Variants in MSRA observed in about 807,000 individuals in gnomAD.
MSRA encodes the protein mitochondrial peptide methionine sulfoxide reductase.
MSRA carries 54 observed loss-of-function variants against 31.3 expected under a neutral mutation model. The observed-to-expected ratio is 1.73, with a 90% confidence interval of 1.39 to 2.17. The LOEUF (loss-of-function observed/expected upper bound fraction) is 2.17. Among genes scored for constraint, MSRA ranks in the 30% most tolerant of loss-of-function variants. The pLI, the probability that MSRA is intolerant of heterozygous loss-of-function variation, is 0.00. For synonymous variants in MSRA, 169 were observed against 116.5 expected (o/e 1.45, Z -2.90); for missense variants, 507 against 300.9 (o/e 1.69, Z -5.07).
At chr8:10,217,535 A>C (rs1810099596) in intron 2 of MSRA, among the ~76,000 whole-genome samples, 1 of 152,158 alleles carries the variant, frequency 6.6e-6, no homozygotes, top group African/African-American at 2.4e-5. Context: ...TTTACTTTGC[A>C]ATTGTGAAAG....
chr8:10,426,306 C>T (rs1809159980), intron 5 of MSRA, among the ~76,000 whole-genome samples: 1 of 152,204 alleles, frequency 6.6e-6, no homozygotes, highest in Non-Finnish European at 1.5e-5. Context: ...ATGGATTCTA[C>T]AGAAGGAATT....
intron 1 of MSRA, 51 bp from the exon 2 acceptor site, chr8:10,207,782 A>T (rs760793581): frequency 6.6e-7 from 1 of 1,513,690 alleles, no homozygotes; most frequent in Non-Finnish European, 9.0e-7. Flanking sequence ...ATGTGTTAGT[A>T]TGTGTTAGAA....
chr8:10,128,088 T>G (rs1390982717), intron 1 of MSRA, among the ~76,000 whole-genome samples: 1 of 152,086 alleles, frequency 6.6e-6, no homozygotes, highest in African/African-American at 2.4e-5. Context: ...TTAAAAAGTT[T>G]CTGTCTAGGC....
Position 10,428,283 on chromosome 8 carries a change from G to T in MSRA, c.679G>T (p.Val227Leu). The change falls in exon 6 of 6, where the codon GTG (valine) becomes TTG (leucine). Residue 227 changes from valine (V) to leucine (L), a missense_variant. Transcript: ENST00000317173. ...NGYCGLGGTG[V>L]SCPVGIKK is the part of the protein sequence containing the mutation. ...CTACTGCGGCCTTGGGGGCACCGGC[G>T]TGTCCTGCCCAGTGGGTATTAAAAA... 6.2e-7 allele frequency: 1 copy of T among 1,613,928 alleles called. No individual in the cohort carries two copies. Among genetic ancestry groups the T allele is most frequent in the Non-Finnish European group, 8.5e-7 (1 of 1,179,952 alleles).
intron 1 of MSRA, among the ~76,000 whole-genome samples, chr8:10,123,547 C>A (rs1010128469): frequency 6.6e-6 from 1 of 152,002 alleles, no homozygotes; most frequent in Non-Finnish European, 1.5e-5. Flanking sequence ...CAATTTTTTT[C>A]TTTTGTTGCA....
In MSRA at chr8:10,365,757, C is replaced by T. The variant is rs1291504287; in HGVS notation, c.543+45768C>T. On this transcript the variant is annotated intron_variant, in intron 5 of 5. Transcript: ENST00000317173. Reference sequence around the variant, plus strand: ...GGGAAGGGAGATTTGTCTTTGCCTCCTCTCATCAGGCCTCCTGGTGCTCAG... The same window carrying T: ...GGGAAGGGAGATTTGTCTTTGCCTCTTCTCATCAGGCCTCCTGGTGCTCAG... Among the ~76,000 whole-genome samples the T allele has an allele frequency of 2.0e-5, 3 of 152,228 alleles. No homozygotes were observed. The East Asian group carries it at 5.8e-4, about 29-fold the overall frequency.
At chr8:10,157,213 A>G (rs1186043870) in intron 1 of MSRA, among the ~76,000 whole-genome samples, 1 of 152,134 alleles carries the variant, frequency 6.6e-6, no homozygotes, top group Non-Finnish European at 1.5e-5. Context: ...AAGGAAATTC[A>G]TGGTAGTAAA....
intron 3 of MSRA, among the ~76,000 whole-genome samples, chr8:10,284,281 C>T (rs1033930399): frequency 1.3e-5 from 2 of 152,114 alleles, no homozygotes; most frequent in Non-Finnish European, 2.9e-5. Flanking sequence ...CTCCACCTCC[C>T]AGGTTCAAGC....
At chr8:10,107,369 C>T (rs183967628) in intron 1 of MSRA, among the ~76,000 whole-genome samples, 1 of 152,002 alleles carries the variant, frequency 6.6e-6, no homozygotes, top group African/African-American at 2.4e-5. Flanking sequence ...TGTAACCAAA[C>T]CGATGAAAAT....
intron 3 of MSRA, among the ~76,000 whole-genome samples, chr8:10,282,193 C>A (rs887901051): frequency 6.6e-6 from 1 of 152,176 alleles, no homozygotes; most frequent in Non-Finnish European, 1.5e-5. Flanking sequence ...TATAAACATT[C>A]TCCTCTCACC....
chr8:10,366,824 C>T (rs576356231), intron 5 of MSRA, among the ~76,000 whole-genome samples: 56 of 152,232 alleles, frequency 3.7e-4, no homozygotes, highest in African/African-American at 1.3e-3. Context: ...GCTGAGATGA[C>T]GTAGGACTTA....
intron 1 of MSRA, among the ~76,000 whole-genome samples, chr8:10,176,613 C>T (rs1027943754): frequency 6.6e-5 from 10 of 152,238 alleles, no homozygotes; most frequent in Admixed American, 4.6e-4. Context: ...CCAAATACTG[C>T]TTTCTTCTTT....
chr8:10,071,046 A>T (rs1217094941), intron 1 of MSRA, among the ~76,000 whole-genome samples: 1 of 152,160 alleles, frequency 6.6e-6, no homozygotes, highest in Non-Finnish European at 1.5e-5. Context: ...CTTACATGTG[A>T]TAATTGCATG....
At chr8:10,309,923 G>T (rs1801345297) in intron 4 of MSRA, among the ~76,000 whole-genome samples, 1 of 152,222 alleles carries the variant, frequency 6.6e-6, no homozygotes, top group African/African-American at 2.4e-5. Context: ...CAGGTGCACT[G>T]TGGAGAAGCA....
chr8:10,159,640 T>C (rs1804469627), intron 1 of MSRA, among the ~76,000 whole-genome samples: 1 of 144,468 alleles, frequency 6.9e-6, no homozygotes, highest in Admixed American at 6.8e-5. Flanking sequence ...CAAGGCTTTC[T>C]AGTAAAGTAA....
chr8:10,233,842 C>G (rs940938271), intron 2 of MSRA, among the ~76,000 whole-genome samples: 1 of 151,832 alleles, frequency 6.6e-6, no homozygotes, highest in Admixed American at 6.6e-5. Flanking sequence ...ATTTTAAGCC[C>G]TAAGCAAGAT....
At chr8:10,367,841 G>A (rs1016736854) in intron 5 of MSRA, among the ~76,000 whole-genome samples, 41 of 152,214 alleles carry the variant, frequency 2.7e-4, no homozygotes, top group African/African-American at 9.9e-4. Flanking sequence ...GGCCTCATGA[G>A]GAAGGCGTTC....
chr8:10,275,935 T>G (rs892150214), intron 3 of MSRA, among the ~76,000 whole-genome samples: 4 of 152,234 alleles, frequency 2.6e-5, no homozygotes, highest in African/African-American at 9.6e-5. Context: ...AGAAAATCAT[T>G]AATTGCTCAT....
chr8:10,329,799 G>A (rs1802585810), intron 5 of MSRA, among the ~76,000 whole-genome samples: 1 of 151,780 alleles, frequency 6.6e-6, no homozygotes. Context: ...CCAGCGAGAT[G>A]GGATTTGATT....
Sources: allele counts gnomAD v4.1 joint callset (sites outside exome capture counted in the v4.1 genomes callset), GRCh38; gene constraint gnomAD v4.1.1; transcripts MANE v1.5; gene names NCBI Gene and HGNC (gene_info 2026-07-23, HGNC 2026-07-21).